The following P4HA1 variants were observed in gnomAD, a reference collection of about 807,000 sequenced individuals.
P4HA1 encodes the protein prolyl 4-hydroxylase subunit alpha 1.
P4HA1 carries 24 observed loss-of-function variants against 72.8 expected under a neutral mutation model. That is an observed-to-expected ratio of 0.33 (90% confidence interval 0.24 to 0.46). P4HA1 has a LOEUF of 0.46. P4HA1 is among the 20% of genes least tolerant of loss of function. The pLI, the probability that P4HA1 is intolerant of heterozygous loss-of-function variation, is 1.00. For missense variants in P4HA1, 446 were observed against 640.6 expected, an observed-to-expected ratio of 0.70 and a Z score of 3.28; for synonymous variants, 201 against 218.8, an observed-to-expected ratio of 0.92 and a Z score of 0.72.
At chr10:73,057,884 G>A (rs1841188862) in intron 5 of P4HA1, among the ~76,000 whole-genome samples, 1 of 151,632 alleles carries the variant, frequency 6.6e-6, no homozygotes, top group Admixed American at 6.6e-5. Flanking sequence ...GAGCTCAGGA[G>A]ATCGAGACCA....
At chr10:73,033,304 G>T (rs78746248) in intron 9 of P4HA1, among the ~76,000 whole-genome samples, 6 of 152,070 alleles carry the variant, frequency 3.9e-5, no homozygotes. Flanking sequence ...CACAGAGAAC[G>T]TGTCTTCTGA....
At chr10:73,017,904 A>G (rs1211340862) in intron 10 of P4HA1, among the ~76,000 whole-genome samples, 3 of 152,226 alleles carry the variant, frequency 2.0e-5, no homozygotes, top group Non-Finnish European at 4.4e-5. Flanking sequence ...ACAAAATCAA[A>G]GGAGAACATA....
intron 9 of P4HA1, chr10:73,043,981 G>C (rs1309127386): frequency 1.3e-6 from 2 of 1,584,826 alleles, no homozygotes; most frequent in East Asian, 4.5e-5. Context: ...GAAAGGACAA[G>C]GACTTACTCC....
intron 1 of P4HA1, among the ~76,000 whole-genome samples, chr10:73,095,920 G>A (rs2037797659): frequency 6.6e-6 from 1 of 152,096 alleles, no homozygotes; most frequent in South Asian, 2.1e-4. Flanking sequence ...TACATCCGGG[G>A]GCCAGCCATG....
chr10:73,092,272 T>A (rs1450645312), intron 1 of P4HA1, among the ~76,000 whole-genome samples: 1 of 152,074 alleles, frequency 6.6e-6, no homozygotes, highest in Non-Finnish European at 1.5e-5. Context: ...CTACTTCTCC[T>A]ATGAAACATT....
intron 9 of P4HA1, among the ~76,000 whole-genome samples, chr10:73,038,686 G>A (rs1216777640): frequency 1.9e-5 from 2 of 105,290 alleles, no homozygotes; most frequent in Non-Finnish European, 3.4e-5. Flanking sequence ...GAGTGCAGTG[G>A]CGGGATCTCG....
At chr10:73,029,734 T>A (rs1221410834) in intron 10 of P4HA1, among the ~76,000 whole-genome samples, 1 of 152,038 alleles carries the variant, frequency 6.6e-6, no homozygotes, top group Non-Finnish European at 1.5e-5. Context: ...TATACCTGTT[T>A]ACTACAGATA....
chr10:73,011,613 G>A (rs1839910984), intron 12 of P4HA1, among the ~76,000 whole-genome samples: 1 of 152,016 alleles, frequency 6.6e-6, no homozygotes, highest in African/African-American at 2.4e-5. Flanking sequence ...AGATAACCTA[G>A]AATAAAAATG....
intron 5 of P4HA1, chr10:73,065,374 A>AT (rs1473200981): frequency 2.0e-5 from 3 of 152,204 alleles, no homozygotes; most frequent in Non-Finnish European, 4.4e-5. Flanking sequence ...AACCTATCAG[A>AT]TTTTTCATTA....
chr10:73,018,735 C>T (rs1439510348), intron 10 of P4HA1, among the ~76,000 whole-genome samples: 2 of 152,090 alleles, frequency 1.3e-5, no homozygotes, highest in East Asian at 3.9e-4. Context: ...CAGACTCAAA[C>T]CTCCAGAGCA....
intron 9 of P4HA1, among the ~76,000 whole-genome samples, chr10:73,039,025 G>A (rs944096519): frequency 1.4e-4 from 21 of 152,122 alleles, no homozygotes; most frequent in African/African-American, 4.8e-4. Flanking sequence ...GGATGCAATG[G>A]CTCGCGCCTG....
chr10:73,017,166 CAGATGTA>C (rs1840024786), intron 10 of P4HA1, among the ~76,000 whole-genome samples: 15 of 134,238 alleles, frequency 1.1e-4, no homozygotes, highest in African/African-American at 4.0e-4. Context: ...TCTATATCTA[CAGATGTA>C]TATATAGATA....
intron 1 of P4HA1, among the ~76,000 whole-genome samples, chr10:73,085,687 AT>A (rs922352247): frequency 1.3e-5 from 2 of 151,032 alleles, no homozygotes; most frequent in African/African-American, 4.9e-5. Flanking sequence ...CCGGCCAGTG[AT>A]TTTTTTTTAA....
intron 1 of P4HA1, among the ~76,000 whole-genome samples, chr10:73,081,969 T>C (rs536655554): frequency 1.3e-5 from 2 of 152,332 alleles, no homozygotes; most frequent in African/African-American, 4.8e-5. Flanking sequence ...TGAGCCAAGA[T>C]GGCACCACCA....
intron 14 of P4HA1, among the ~76,000 whole-genome samples, chr10:73,009,001 C>T (rs556120635): frequency 1.2e-4 from 19 of 152,256 alleles, no homozygotes; most frequent in African/African-American, 4.6e-4. Flanking sequence ...TTCACTGATG[C>T]TTTAATCCAG....
At chr10:73,011,904 A>T (rs1241857221) in intron 12 of P4HA1, among the ~76,000 whole-genome samples, 1 of 152,176 alleles carries the variant, frequency 6.6e-6, no homozygotes, top group East Asian at 1.9e-4. Context: ...AATGAGATAG[A>T]AGGTATTTTA....
chr10:73,050,829 T>C (rs1250624372), intron 7 of P4HA1, among the ~76,000 whole-genome samples: 1 of 152,136 alleles, frequency 6.6e-6, no homozygotes, highest in Non-Finnish European at 1.5e-5. Context: ...CTCAGACTCC[T>C]GAGTAGCTAA....
intron 9 of P4HA1, chr10:73,044,015 T>C (rs1212497499): frequency 1.5e-6 from 2 of 1,299,406 alleles, no homozygotes; most frequent in African/African-American, 2.9e-5. Context: ...TTTGGGCTTT[T>C]TGTTTGTTTT....
chr10:73,030,672 CA>C (rs1344589957), intron 9 of P4HA1, among the ~76,000 whole-genome samples: 9 of 152,050 alleles, frequency 5.9e-5, no homozygotes, highest in African/African-American at 2.2e-4. Flanking sequence ...TTGAGAACTT[CA>C]AAAAATTCTT....
Sources: allele counts gnomAD v4.1 joint callset (sites outside exome capture counted in the v4.1 genomes callset), GRCh38; gene constraint gnomAD v4.1.1; transcripts MANE v1.5; gene names NCBI Gene and HGNC (gene_info 2026-07-23, HGNC 2026-07-21).